KIF15: variants seen among roughly 807,000 people sequenced by gnomAD.
The protein encoded by KIF15 is kinesin-like protein KIF15.
A neutral mutation model predicts 190.6 loss-of-function variants in KIF15; 140 were observed. The ratio of observed to expected loss-of-function variants is 0.73; its 90% confidence interval spans 0.64 to 0.84. The LOEUF is 0.84. Ranked by LOEUF, KIF15 falls within the 40% of genes least tolerant of loss-of-function variation. The pLI is 0.00. For missense variants in KIF15, 1,372 were observed against 1,584.4 expected, an observed-to-expected ratio of 0.87 and a Z score of 2.28; for synonymous variants, 528 against 551.3, an observed-to-expected ratio of 0.96 and a Z score of 0.59.
chr3:44,865,013 T>C, intron 6 of KIF15: 1 of 1,612,128 alleles, frequency 6.2e-7, no homozygotes, highest in South Asian at 1.1e-5. Context: ...TGAAGTTGAG[T>C]CCCTCACAGC....
At chr3:44,796,292 G>A (rs559334210) in intron 8 of KIF15, among the ~76,000 whole-genome samples, 38 of 152,288 alleles carry the variant, frequency 2.5e-4, no homozygotes, top group African/African-American at 8.9e-4. Context: ...CCAGGAGGTC[G>A]AGATTGCAGT....
intron 15 of KIF15, 141 bp downstream of exon 15, chr3:44,805,309 A>G (rs975136588): frequency 2.6e-6 from 2 of 780,984 alleles, no homozygotes; most frequent in Non-Finnish European, 4.0e-6. Flanking sequence ...ATGAAGAGAA[A>G]GAGCATGCTT....
In KIF15 at chr3:44,813,157, A is replaced by T. The variant is rs1274386408; in HGVS notation, c.2360A>T (p.Gln787Leu). ...SQLNVLEKQL[Q>L]ETQTKNDFLK... The stretch of plus-strand genomic sequence containing the variant: ...TTGAATGTCCTTGAAAAGCAGCTTC[A>T]AGAGACTCAAACTAAAAATGACTGT... The change falls in exon 19 of 35, where the codon CAA (glutamine) becomes CTA (leucine). Residue 787 changes from glutamine (Q) to leucine (L), a missense_variant. Gln to Leu is a moderately radical substitution (Grantham distance 113, BLOSUM62 -2). Transcript: ENST00000326047. 1 of 1,600,072 alleles carries T rather than the reference A, an allele frequency of 6.2e-7. No homozygotes were observed. The highest frequency in any genetic ancestry group is 1.7e-5 in the Admixed American group (1 of 57,712).
chr3:44,829,713 ATATATATTATAGATG>A lies in KIF15; in HGVS notation c.2944-246_2944-232del, dbSNP rs1697954710. 4.6e-5 allele frequency among the ~76,000 whole-genome samples: 6 copies of A among 131,418 alleles called. No individual in the cohort carries two copies. The South Asian group carries it at 1.4e-3, about 31-fold the overall frequency. The allele number at this position is 131,418 out of a possible 152,430, so 86.2% of individuals were successfully genotyped here. On this transcript the variant is annotated intron_variant, in intron 24 of 34. Coordinates refer to ENST00000326047, the MANE Select transcript of KIF15 (RefSeq NM_020242.3). ...ATAGATGTATATATATTATAGATGT[ATATATATTATAGATG>A]TATATATTATATATGTATATATTAT... is the stretch of plus-strand genomic sequence containing the variant.
intron 1 of KIF15, among the ~76,000 whole-genome samples, chr3:44,769,042 C>T (rs1705533108): frequency 6.6e-6 from 1 of 152,102 alleles, no homozygotes; most frequent in Non-Finnish European, 1.5e-5. Flanking sequence ...GCTGGCTTGT[C>T]AGTCTTCGAG....
chr3:44,775,460 CTTT>C (rs10574346), intron 3 of KIF15, 23 bp downstream of exon 3: 11,558 of 1,320,826 alleles, frequency 8.8e-3, no homozygotes, highest in South Asian at 0.02. Context: ...AGAAACTTAA[CTTT>C]TTTTTTTTTT....
At chr3:44,787,640 G>A (rs1706475746) in intron 7 of KIF15, among the ~76,000 whole-genome samples, 1 of 152,066 alleles carries the variant, frequency 6.6e-6, no homozygotes, top group African/African-American at 2.4e-5. Context: ...AGACCAGTCT[G>A]GAGGGATTAA....
At chr3:44,841,399 T>TG (rs1431421975) in intron 29 of KIF15, among the ~76,000 whole-genome samples, 161 bp downstream of exon 29, 3 of 151,198 alleles carry the variant, frequency 2.0e-5, no homozygotes, top group Non-Finnish European at 4.4e-5. Context: ...TAATTTTTTT[T>TG]TTTTTGTTTT....
In KIF15 at chr3:44,826,208, A is replaced by C. The variant is rs1202604493; in HGVS notation, c.2700+19A>C. On this transcript the variant is annotated intron_variant, in intron 21 of 34. Transcript: ENST00000326047. The stretch of plus-strand genomic sequence containing the variant: ...TCTGAATGTATGTTAAGAAGGGTGA[A>C]TTTGTCCCGCATCTGTGACTGTCCT... The C allele has an allele frequency of 1.9e-6, 3 of 1,560,926 alleles. No homozygotes were observed. The highest frequency in any genetic ancestry group is 1.7e-6 in the Non-Finnish European group (2 of 1,162,784).
intron 20 of KIF15, among the ~76,000 whole-genome samples, chr3:44,820,506 A>G (rs1708222463): frequency 6.6e-6 from 1 of 152,160 alleles, no homozygotes; most frequent in Non-Finnish European, 1.5e-5. Flanking sequence ...GGCCTTCCGC[A>G]GTGTTTGTGT....
intron 6 of KIF15, chr3:44,862,264 C>T (rs1181876956): frequency 4.1e-6 from 2 of 485,564 alleles, no homozygotes; most frequent in African/African-American, 2.1e-5. Context: ...CCGGTCTGTC[C>T]CGCCGGGGCC....
chr3:44,823,101 A>T (rs544242188), intron 20 of KIF15, among the ~76,000 whole-genome samples: 9 of 151,896 alleles, frequency 5.9e-5, no homozygotes, highest in Non-Finnish European at 1.2e-4. Context: ...GGTTTTTAGA[A>T]TTTTCAGCTT....
In KIF15 at chr3:44,852,308, G is replaced by T; in HGVS notation, c.4073G>T (p.Arg1358Leu). Residue 1358 changes from arginine to leucine, a missense_variant, in exon 34 of 35, where the codon CGA becomes CTA. Coordinates refer to ENST00000326047, the MANE Select transcript of KIF15 (RefSeq NM_020242.3). ...CATCAGAAGATTCAGTACGTAGTGC[G>T]ACTAAAGAAGGAAAATGTCAGGCTT... ...NLHQKIQYVVRLKKENVRLAE... is the reference protein window; with the variant it reads ...NLHQKIQYVVLLKKENVRLAE... The T allele has an allele frequency of 1.9e-6, 3 of 1,610,508 alleles. No individual in the cohort carries two copies. Among genetic ancestry groups the T allele is most frequent in the Non-Finnish European group, 2.5e-6 (3 of 1,177,786 alleles).
downstream of KIF15, among the ~76,000 whole-genome samples, chr3:44,856,669 A>G (rs1184698255): frequency 1.3e-5 from 2 of 152,196 alleles, no homozygotes; most frequent in Non-Finnish European, 2.9e-5. Context: ...CCTTATCAGC[A>G]TAAGCATTGC....
intron 15 of KIF15, 37 bp from the exon 16 acceptor site, chr3:44,805,808 T>A: frequency 6.3e-7 from 1 of 1,578,776 alleles, no homozygotes; most frequent in Non-Finnish European, 8.6e-7. Context: ...TGACATTACT[T>A]ATTACCTGAA....
Position 44,852,836 on chromosome 3 carries a change from G to C in KIF15, c.*101G>C. ...GCCACTTAGGAGAGCTGAATTTATGGACCTTAATTATTAAATGTTTATAAG... is the reference window on the plus strand; with the variant it reads ...GCCACTTAGGAGAGCTGAATTTATGCACCTTAATTATTAAATGTTTATAAG... On this transcript the variant is annotated 3_prime_UTR_variant, in exon 35 of 35. Transcript: ENST00000326047. The C allele has an allele frequency of 1.2e-6, 1 of 867,912 alleles. No homozygotes were observed. The highest frequency in any genetic ancestry group is 1.8e-6 in the Non-Finnish European group (1 of 561,766). 53.8% of individuals were successfully genotyped at this position (867,912 alleles called of 1,614,324 possible).
chr3:44,784,632 G>T (rs1706323711), intron 5 of KIF15, among the ~76,000 whole-genome samples: 1 of 152,192 alleles, frequency 6.6e-6, no homozygotes, highest in African/African-American at 2.4e-5. Context: ...CAAATGTGCT[G>T]CAATAAAGGA....
At chr3:44,814,508 G>T (rs113216051) in intron 19 of KIF15, among the ~76,000 whole-genome samples, 5 of 152,192 alleles carry the variant, frequency 3.3e-5, no homozygotes, top group African/African-American at 1.2e-4. Context: ...ACAGGGTTTT[G>T]CCATGTTGCT....
At chr3:44,786,043 C>T (rs1706387647) in intron 6 of KIF15, among the ~76,000 whole-genome samples, 1 of 152,088 alleles carries the variant, frequency 6.6e-6, no homozygotes. Flanking sequence ...AGTGAAACCC[C>T]GTCTCTACTA....
Sources: gnomAD v4.1 joint callset for allele counts (sites outside exome capture counted in the v4.1 genomes callset) on GRCh38, gnomAD v4.1.1 for gene constraint, MANE v1.5 for transcripts, NCBI Gene and HGNC (gene_info 2026-07-23, HGNC 2026-07-21) for gene names.